Variants in CYP51A1 observed in about 807,000 individuals in gnomAD.
The protein encoded by CYP51A1 is lanosterol 14-alpha demethylase.
In CYP51A1, 45 loss-of-function variants were observed where a neutral mutation model predicts 53.5. The ratio of observed to expected loss-of-function variants is 0.84; its 90% CI spans 0.66 to 1.08. The LOEUF (loss-of-function observed/expected upper bound fraction) is 1.08. CYP51A1 is among the 50% of genes least tolerant of loss of function. CYP51A1 has a pLI of 0.00. For missense variants in CYP51A1, 462 were observed against 621.7 expected, an observed-to-expected ratio of 0.74 and a Z score of 2.73; for synonymous variants, 181 against 217.7, an observed-to-expected ratio of 0.83 and a Z score of 1.48.
intron 8 of CYP51A1, 99 bp from the exon 9 acceptor site, chr7:92,117,311 C>A: frequency 1.0e-6 from 1 of 997,358 alleles, no homozygotes; most frequent in East Asian, 2.6e-5. Context: ...ATGGGATACT[C>A]AGATGCTCCT....
At chr7:92,130,645 T>G (rs965476213) in intron 2 of CYP51A1, among the ~76,000 whole-genome samples, 4 of 152,200 alleles carry the variant, frequency 2.6e-5, no homozygotes, top group African/African-American at 9.7e-5. Flanking sequence ...AGAAAGAGAA[T>G]AGGATTACTA....
intron 1 of CYP51A1, among the ~76,000 whole-genome samples, chr7:92,133,427 G>A (rs1384678169): frequency 6.6e-6 from 1 of 152,008 alleles, no homozygotes; most frequent in African/African-American, 2.4e-5. Flanking sequence ...GCTAATTTTT[G>A]TTTTGTTTTG....
At chr7:92,132,037 C>A in intron 1 of CYP51A1, 165 bp from the exon 2 acceptor site, 68 of 472,398 alleles carry the variant, frequency 1.4e-4, no homozygotes, top group Non-Finnish European at 1.9e-4. Flanking sequence ...AGCCAAATTG[C>A]AAATACCTCA....
intron 7 of CYP51A1, among the ~76,000 whole-genome samples, chr7:92,122,702 G>A (rs1042156724): frequency 6.6e-6 from 1 of 152,172 alleles, no homozygotes; most frequent in Non-Finnish European, 1.5e-5. Context: ...ATTTGTAAAT[G>A]TCTTGTCCTC....
At chr7:92,134,650 C>A (rs186981322), upstream of CYP51A1, 43 of 405,944 alleles carry the variant, frequency 1.1e-4, no homozygotes, top group East Asian at 1.5e-3. Context: ...TGGTACGGGG[C>A]CGGAAGATAA....
chr7:92,116,009 C>T lies in CYP51A1; in HGVS notation c.1351+1035G>A, dbSNP rs374582736. Among the ~76,000 whole-genome samples, 6 of 152,346 alleles carry T rather than the reference C, an allele frequency of 3.9e-5. 1 individual carries two copies. The highest frequency in any genetic ancestry group is 1.4e-4 in the African/African-American group (6 of 41,582). On this transcript the variant is annotated intron_variant, in intron 9 of 9. Transcript: ENST00000003100. ...TTCTTTGGCCAGGTGGCATGGCTCACGCCTGTAATCCCAGCACTGTGGGAG... is the reference window on the plus strand; with the variant it reads ...TTCTTTGGCCAGGTGGCATGGCTCATGCCTGTAATCCCAGCACTGTGGGAG...
rs1478635350 is a variant in CYP51A1, at chr7:92,134,407, C to G, written c.-43G>C. Reference sequence around the variant, plus strand: ...CTGAAGGCCGAGGTCGCCACCGCTCCTCCCAATCGACGGAACGAGAGAAGC... The same window carrying G: ...CTGAAGGCCGAGGTCGCCACCGCTCGTCCCAATCGACGGAACGAGAGAAGC... On this transcript the variant is annotated 5_prime_UTR_variant, in exon 1 of 10. Coordinates refer to ENST00000003100, the MANE Select transcript of CYP51A1 (RefSeq NM_000786.4). The G allele has an allele frequency of 1.3e-6, 2 of 1,505,572 alleles. No individual in the cohort carries two copies. Among genetic ancestry groups the G allele is most frequent in the Admixed American group, 4.2e-5 (2 of 47,166 alleles). The allele number at this position is 1,505,572 out of a possible 1,614,324, so 93.3% of individuals were successfully genotyped here.
Position 92,113,541 on chromosome 7 carries a change from G to A in CYP51A1, c.*124C>T. 1 of 835,940 alleles carries A rather than the reference G, an allele frequency of 1.2e-6. No homozygotes were observed. The highest frequency in any genetic ancestry group is 1.7e-5 in the South Asian group (1 of 58,456). 51.8% of individuals were successfully genotyped at this position (835,940 alleles called of 1,614,324 possible). ...TAACAAAATCCTAAATCATAAACTGGCTTTTAGAATTACACACTTAAAAAA... is the reference window on the plus strand; with the variant it reads ...TAACAAAATCCTAAATCATAAACTGACTTTTAGAATTACACACTTAAAAAA... On this transcript the variant is annotated 3_prime_UTR_variant, in exon 10 of 10. Coordinates refer to ENST00000003100, the MANE Select transcript of CYP51A1 (RefSeq NM_000786.4).
chr7:92,120,025 C>A (rs1819657311), intron 7 of CYP51A1, among the ~76,000 whole-genome samples: 1 of 151,656 alleles, frequency 6.6e-6, no homozygotes, highest in African/African-American at 2.4e-5. Context: ...AGAATAACAT[C>A]AAAAAAATAA....
Position 92,127,596 on chromosome 7 carries a change from G to A in CYP51A1, c.504C>T (p.Gly168=). Reference sequence around the variant, plus strand: ...GCTGTTTAAAGTGGGCTATGTTAAGGCCACTTTTTAACATTTTCTTCTGCT... The same window carrying A: ...GCTGTTTAAAGTGGGCTATGTTAAGACCACTTTTTAACATTTTCTTCTGCT... The part of the protein sequence containing the change: ...FLEQKKMLKS[G]LNIAHFKQHV... Residue 168 remains glycine (G), a synonymous_variant, in exon 4 of 10, where the codon GGC becomes GGT. Transcript: ENST00000003100. 1.2e-6 allele frequency: 2 copies of A among 1,613,096 alleles called. No individual in the cohort carries two copies. Among genetic ancestry groups the A allele is most frequent in the Non-Finnish European group, 1.7e-6 (2 of 1,179,490 alleles).
intron 7 of CYP51A1, among the ~76,000 whole-genome samples, chr7:92,121,908 C>A (rs997452684): frequency 6.6e-6 from 1 of 152,192 alleles, no homozygotes; most frequent in African/African-American, 2.4e-5. Flanking sequence ...GGTTTCCCAA[C>A]TCTTAATATG....
chr7:92,132,049 G>A, intron 1 of CYP51A1, 177 bp from the exon 2 acceptor site: 1 of 528,176 alleles, frequency 1.9e-6, no homozygotes, highest in South Asian at 2.1e-5. Flanking sequence ...AATACCTCAA[G>A]AGAGTAGCTA....
At chr7:92,119,396 C>G (rs1359903320) in intron 7 of CYP51A1, among the ~76,000 whole-genome samples, 1 of 152,212 alleles carries the variant, frequency 6.6e-6, no homozygotes, top group Non-Finnish European at 1.5e-5. Context: ...AGACTTGTAA[C>G]TGCCTGTTGG....
rs941233670 is a variant in CYP51A1, at chr7:92,123,836, T to C, written c.788A>G (p.His263Arg). The change falls in exon 6 of 10, where the codon CAT becomes CGT. Residue 263 changes from histidine (H) to arginine (R), a missense_variant. Coordinates refer to ENST00000003100, the MANE Select transcript of CYP51A1 (RefSeq NM_000786.4). Reference sequence around the variant, plus strand: ...ATAGAAAATATCCTTGATTTCCCGATGAGCTCTGTCCCTGCGTCTGTAATT... The same window carrying C: ...ATAGAAAATATCCTTGATTTCCCGACGAGCTCTGTCCCTGCGTCTGTAATT... The part of the protein sequence containing the change: ...LPSFRRRDRA[H>R]REIKDIFYKA... 3.1e-6 allele frequency: 5 copies of C among 1,608,684 alleles called. No homozygotes were observed. The African/African-American group carries it at 5.4e-5, about 17-fold the overall frequency.
chr7:92,133,992 G>A (rs1819984105), intron 1 of CYP51A1, among the ~76,000 whole-genome samples, 181 bp downstream of exon 1: 1 of 152,166 alleles, frequency 6.6e-6, no homozygotes, highest in Non-Finnish European at 1.5e-5. Flanking sequence ...CAGTGCCGCC[G>A]CCGCAGCCAC....
intron 7 of CYP51A1, among the ~76,000 whole-genome samples, chr7:92,119,050 C>T (rs1231508629): frequency 1.3e-5 from 2 of 152,110 alleles, no homozygotes; most frequent in African/African-American, 2.4e-5. Flanking sequence ...ATGGTAGCCC[C>T]GGAAACCAAC....
chr7:92,128,988 A>C lies in CYP51A1; in HGVS notation c.360T>G (p.Ala120=). The change falls in exon 3 of 10, where the codon GCT becomes GCG. Residue 120 remains alanine, a synonymous_variant. Transcript: ENST00000003100. ...TFTYLLGSDA[A]ALLFNSKNED... ...CATTTTTACTATTAAAAAGCAGTGCAGCAGCATCACTCCCCAGAAGGTAAG... is the reference window on the plus strand; with the variant it reads ...CATTTTTACTATTAAAAAGCAGTGCCGCAGCATCACTCCCCAGAAGGTAAG... 6.2e-7 allele frequency: 1 copy of C among 1,613,916 alleles called. No homozygotes were observed. The highest frequency in any genetic ancestry group is 8.5e-7 in the Non-Finnish European group (1 of 1,179,856).
rs1482993794 is a variant in CYP51A1, at chr7:92,113,107, C to A, written c.*558G>T. Reference sequence around the variant, plus strand: ...TTTTAGTTAAAATTCCAAAGGATTTCTTTTTCCTATAATATCTCCATTTCT... The same window carrying A: ...TTTTAGTTAAAATTCCAAAGGATTTATTTTTCCTATAATATCTCCATTTCT... On this transcript the variant is annotated 3_prime_UTR_variant, in exon 10 of 10. Transcript: ENST00000003100. 1 of 152,090 alleles carries A rather than the reference C, an allele frequency of 6.6e-6. No individual in the cohort carries two copies. The highest frequency in any genetic ancestry group is 1.9e-4 in the East Asian group (1 of 5,196). The allele number at this position is 152,090 out of a possible 1,614,324, so 9.4% of individuals were successfully genotyped here.
intron 9 of CYP51A1, among the ~76,000 whole-genome samples, chr7:92,114,397 T>C (rs144599475): frequency 0.011 from 1,605 of 152,268 alleles, 25 homozygotes; most frequent in African/African-American, 0.037. Context: ...GACATAAAAC[T>C]GATTTCAAAT....
Sources: gnomAD v4.1 joint callset for allele counts (sites outside exome capture counted in the v4.1 genomes callset) on GRCh38, gnomAD v4.1.1 for gene constraint, MANE v1.5 for transcripts, NCBI Gene and HGNC (gene_info 2026-07-23, HGNC 2026-07-21) for gene names.